Variants in DMD observed in about 807,000 individuals in gnomAD.
DMD encodes mutant dystrophin.
In DMD, 63 loss-of-function variants were observed where a neutral mutation model predicts 330.1. The observed-to-expected ratio is 0.19, with a 90% CI of 0.16 to 0.24. The LOEUF (loss-of-function observed/expected upper bound fraction) is 0.24. Among genes scored for constraint, DMD ranks in the 10% least tolerant of loss-of-function variants. The pLI is 1.00. For missense variants in DMD, 3,344 were observed against 2,684.1 expected, an observed-to-expected ratio of 1.25 and a Z score of -5.43; for synonymous variants, 1,223 against 959.8, an observed-to-expected ratio of 1.27 and a Z score of -5.07.
intron 1 of DMD, among the ~76,000 whole-genome samples, chrX:33,031,346 T>C (rs1397592942): frequency 9.0e-6 from 1 of 110,669 alleles, no homozygotes; most frequent in African/African-American, 3.3e-5. Context: ...GCATGCCCTG[T>C]AGGGCTCCTC....
chrX:32,444,592 C>T (rs143710173), intron 27 of DMD, among the ~76,000 whole-genome samples: 299 of 110,545 alleles, frequency 2.7e-3, no homozygotes, highest in African/African-American at 9.3e-3. Flanking sequence ...GTATGTTTCC[C>T]ATAGAGTTTA....
chrX:32,682,278 A>C (rs1270331385), intron 9 of DMD, among the ~76,000 whole-genome samples: 1 of 111,363 alleles, frequency 9.0e-6, no homozygotes, highest in Non-Finnish European at 1.9e-5. Flanking sequence ...CATCGATTAG[A>C]ATTATGGATT....
chrX:31,258,081 T>G (rs1180217025), intron 63 of DMD, among the ~76,000 whole-genome samples: 2 of 112,674 alleles, frequency 1.8e-5, no homozygotes, highest in Non-Finnish European at 3.7e-5. Flanking sequence ...AACTTACTAT[T>G]CATAGGTAAA....
intron 1 of DMD, among the ~76,000 whole-genome samples, chrX:33,117,406 A>G (rs956760807): frequency 9.0e-6 from 1 of 111,471 alleles, no homozygotes; most frequent in Non-Finnish European, 1.9e-5. Flanking sequence ...GGTGAAGGAT[A>G]TATTAATTAA....
intron 7 of DMD, among the ~76,000 whole-genome samples, chrX:32,717,031 G>A (rs1295238983): frequency 9.0e-6 from 1 of 111,034 alleles, no homozygotes; most frequent in Admixed American, 9.6e-5. Flanking sequence ...TAAAAGGGAA[G>A]CAGAGCATAA....
chrX:32,733,699 T>G (rs1430924688), intron 7 of DMD, among the ~76,000 whole-genome samples: 1 of 110,801 alleles, frequency 9.0e-6, no homozygotes, highest in Non-Finnish European at 1.9e-5. Flanking sequence ...GAAATAAAGA[T>G]GTTCTTTGAA....
At chrX:32,250,603 A>G (rs2097259741) in intron 43 of DMD, among the ~76,000 whole-genome samples, 1 of 112,110 alleles carries the variant, frequency 8.9e-6, no homozygotes, top group South Asian at 3.7e-4. Context: ...CACTCTGGAC[A>G]TGACGGAAAC....
chrX:32,313,116 C>T (rs2097570451), intron 41 of DMD, among the ~76,000 whole-genome samples: 1 of 107,988 alleles, frequency 9.3e-6, no homozygotes, highest in South Asian at 4.1e-4. Context: ...GATACCAAAA[C>T]CTGGCAAAGA....
At chrX:31,837,029 G>A (rs771033361) in intron 48 of DMD, among the ~76,000 whole-genome samples, 147 of 111,389 alleles carry the variant, frequency 1.3e-3, no homozygotes, top group African/African-American at 4.0e-3. Context: ...ATATCTTCTT[G>A]AATTATATAA....
chrX:31,430,026 A>T (rs776966933), intron 60 of DMD, among the ~76,000 whole-genome samples: 1 of 111,463 alleles, frequency 9.0e-6, no homozygotes, highest in South Asian at 3.9e-4. Flanking sequence ...TAGACGAGAA[A>T]AACCTTTCTC....
At chrX:31,470,441 C>T (rs1284997544) in intron 59 of DMD, among the ~76,000 whole-genome samples, 1 of 111,914 alleles carries the variant, frequency 8.9e-6, no homozygotes, top group Non-Finnish European at 1.9e-5. Context: ...TGGAGGTCCA[C>T]TCCAGACCCT....
chrX:32,323,827 C>T (rs989719351), intron 41 of DMD, among the ~76,000 whole-genome samples: 1 of 111,272 alleles, frequency 9.0e-6, no homozygotes, highest in African/African-American at 3.3e-5. Context: ...ATCAATATGA[C>T]AAGGAATTAA....
intron 1 of DMD, among the ~76,000 whole-genome samples, chrX:33,229,551 T>TA (rs1470578209): frequency 1.8e-5 from 2 of 111,809 alleles, no homozygotes; most frequent in Non-Finnish European, 3.8e-5. Context: ...CACAACTTTT[T>TA]AAAAAATGAG....
At chrX:32,854,767 T>C (rs768546941) in intron 2 of DMD, among the ~76,000 whole-genome samples, 1 of 110,975 alleles carries the variant, frequency 9.0e-6, no homozygotes, top group Non-Finnish European at 1.9e-5. Flanking sequence ...TTACCAAACA[T>C]TGAAACACCT....
At chrX:32,998,614 T>C (rs745465091) in intron 2 of DMD, among the ~76,000 whole-genome samples, 2 of 102,173 alleles carry the variant, frequency 2.0e-5, no homozygotes, top group Non-Finnish European at 4.0e-5. Context: ...TATATATATA[T>C]ACACACACAC....
At chrX:32,459,649 T>A (rs183609914) in intron 25 of DMD, among the ~76,000 whole-genome samples, 262 of 111,104 alleles carry the variant, frequency 2.4e-3, no homozygotes, top group African/African-American at 8.3e-3. Context: ...TTCTTTAAAA[T>A]CACAATGACC....
At chrX:31,721,744 A>ATC (rs1569293835) in intron 52 of DMD, among the ~76,000 whole-genome samples, 1 of 88,641 alleles carries the variant, frequency 1.1e-5, no homozygotes, top group African/African-American at 4.3e-5. Flanking sequence ...ATATATATAT[A>ATC]TCTCCTAATT....
At chrX:33,108,458 G>C (rs2095310317) in intron 1 of DMD, among the ~76,000 whole-genome samples, 1 of 42,708 alleles carries the variant, frequency 2.3e-5, no homozygotes. Context: ...GTACAGACGG[G>C]GTTTCACTAT....
intron 17 of DMD, among the ~76,000 whole-genome samples, chrX:32,541,147 G>A (rs754504671): frequency 3.6e-5 from 4 of 111,611 alleles, no homozygotes; most frequent in African/African-American, 1.3e-4. Flanking sequence ...ATGTCAGGTG[G>A]TAAATTCTGT....
Sources: allele counts gnomAD v4.1 joint callset (sites outside exome capture counted in the v4.1 genomes callset), GRCh38; gene constraint gnomAD v4.1.1; transcripts MANE v1.5; gene names NCBI Gene and HGNC (gene_info 2026-07-23, HGNC 2026-07-21).